Variants in DPP6 observed in about 807,000 individuals in gnomAD.
The protein encoded by DPP6 is A-type potassium channel modulatory protein DPP6.
DPP6 carries 69 observed loss-of-function variants against 122.6 expected under a neutral mutation model. The observed-to-expected ratio is 0.56, with a 90% CI of 0.46 to 0.69. The LOEUF (loss-of-function observed/expected upper bound fraction) is 0.69, where lower values mean the gene tolerates loss of function less well. DPP6 is among the 30% of genes least tolerant of loss of function. The pLI, the probability that DPP6 is intolerant of heterozygous loss-of-function variation, is 0.00. For missense variants in DPP6, 928 were observed against 1,116.9 expected (o/e 0.83, Z 2.41); for synonymous variants, 418 against 433.1 (o/e 0.97, Z 0.43).
intron 1 of DPP6, among the ~76,000 whole-genome samples, chr7:154,141,679 C>A (rs1795854370): frequency 6.6e-6 from 1 of 152,208 alleles, no homozygotes; most frequent in Non-Finnish European, 1.5e-5. Context: ...GCAGCTCATG[C>A]AGATGGTGGT....
the DPP6 span, among the ~76,000 whole-genome samples, chr7:153,874,109 T>C: frequency 1.3e-5 from 2 of 152,230 alleles, no homozygotes; most frequent in East Asian, 1.9e-4. Context: ...GAATCCACTC[T>C]GGAGGAAGAC....
Position 154,464,438 on chromosome 7 carries a change from C to T in DPP6, c.359-10501C>T, listed in dbSNP as rs151320065. 6.6e-5 allele frequency among the ~76,000 whole-genome samples: 10 copies of T among 152,308 alleles called. No homozygotes were observed. The East Asian group carries it at 1.7e-3, about 26-fold the overall frequency. On this transcript the variant is annotated intron_variant, in intron 2 of 25. Transcript: ENST00000377770. ...CATTAATCTGATTTTTGGTTCTTTA[C>T]GAGCTGCTTTTTCCTGTGAATAGTT...
intron 1 of DPP6, among the ~76,000 whole-genome samples, chr7:154,239,428 C>CA (rs778221476): frequency 1.3e-5 from 2 of 152,154 alleles, no homozygotes; most frequent in Non-Finnish European, 2.9e-5. Context: ...TCATCCTACT[C>CA]AACATGAAGA....
chr7:154,311,497 C>CAAAA (rs1423467022), intron 1 of DPP6, among the ~76,000 whole-genome samples: 1 of 116,600 alleles, frequency 8.6e-6, no homozygotes, highest in African/African-American at 3.7e-5. Context: ...ACCCTGTCTC[C>CAAAA]ACAAAAAAAA....
chr7:154,122,287 G>A (rs1026244475), intron 1 of DPP6, among the ~76,000 whole-genome samples: 2 of 152,174 alleles, frequency 1.3e-5, no homozygotes, highest in African/African-American at 2.4e-5. Flanking sequence ...GTGGTGTGGA[G>A]GGGCGGCAGT....
the DPP6 span, among the ~76,000 whole-genome samples, chr7:153,818,729 T>C: frequency 2.0e-5 from 3 of 151,660 alleles, no homozygotes; most frequent in Non-Finnish European, 4.4e-5. Context: ...AAAAAGCAAG[T>C]AGATTGAAGT....
chr7:154,774,368 G>C (rs1430347384), intron 10 of DPP6, among the ~76,000 whole-genome samples: 2 of 152,192 alleles, frequency 1.3e-5, no homozygotes, highest in Non-Finnish European at 2.9e-5. Context: ...TCCCTGCCAA[G>C]CCTCCTGGGG....
At chr7:154,261,794 C>T (rs1189019595) in intron 1 of DPP6, among the ~76,000 whole-genome samples, 1 of 152,148 alleles carries the variant, frequency 6.6e-6, no homozygotes, top group Non-Finnish European at 1.5e-5. Context: ...AAAAAATGCT[C>T]AACATCATTA....
At chr7:154,839,948 A>C (rs796266595) in intron 16 of DPP6, among the ~76,000 whole-genome samples, 7 of 152,296 alleles carry the variant, frequency 4.6e-5, no homozygotes, top group African/African-American at 1.7e-4. Context: ...AGTGGGGGAC[A>C]GCGCTGAGGA....
chr7:154,652,142 C>T lies in DPP6; in HGVS notation c.680+14269C>T, dbSNP rs567894956. On this transcript the variant is annotated intron_variant, in intron 6 of 25. Transcript: ENST00000377770. Reference sequence around the variant, plus strand: ...GCTCCTCCGCAGGCTCCCAACACATCAGCTGGTAATTATGCCCGGCACCAG... The same window carrying T: ...GCTCCTCCGCAGGCTCCCAACACATTAGCTGGTAATTATGCCCGGCACCAG... Among the ~76,000 whole-genome samples the T allele has an allele frequency of 1.6e-4, 25 of 152,266 alleles. No homozygotes were observed. In the East Asian group the frequency reaches 4.3e-3, roughly 26 times the overall value.
Position 154,794,071 on chromosome 7 carries a change from G to A in DPP6, c.1137-8G>A, listed in dbSNP as rs538984719. 33 of 1,612,530 alleles carry A rather than the reference G, an allele frequency of 2.0e-5. No individual in the cohort carries two copies. In the East Asian group the frequency reaches 5.4e-4, roughly 26 times the overall value. On this transcript the variant is annotated splice_polypyrimidine_tract_variant and splice_region_variant and intron_variant, in intron 10 of 25. Transcript: ENST00000377770. ...CCAAGCTGCTCATGCTGTGTTTGGC[G>A]TTTCCAGGGAGTACTACATCACCAT...
In DPP6 at chr7:154,272,187, A is replaced by G. The variant is rs147504542; in HGVS notation, c.244-174027A>G. On this transcript the variant is annotated intron_variant, in intron 1 of 25. Coordinates refer to ENST00000377770, the MANE Select transcript of DPP6 (RefSeq NM_130797.4). ...ACTGAGCTTCTACCTAAGCATCTGT[A>G]TCTTCTGCTAAAAGAGACCTGCCTG... Among the ~76,000 whole-genome samples the G allele has an allele frequency of 6.0e-3, 908 of 152,330 alleles. 15 individuals are homozygous for G. The highest frequency in any genetic ancestry group is 0.02 in the African/African-American group (826 of 41,564).
At chr7:154,769,796 C>T (rs1004652218) in intron 9 of DPP6, among the ~76,000 whole-genome samples, 1 of 152,172 alleles carries the variant, frequency 6.6e-6, no homozygotes, top group Non-Finnish European at 1.5e-5. Context: ...TGTTCATCAC[C>T]TGACTCAGCT....
At chr7:154,375,260 T>C (rs1813030386) in intron 1 of DPP6, among the ~76,000 whole-genome samples, 1 of 151,936 alleles carries the variant, frequency 6.6e-6, no homozygotes, top group African/African-American at 2.4e-5. Flanking sequence ...GAGCAAATTC[T>C]AGAACCCTTG....
At chr7:153,973,335 G>C (rs1209688724) in intron 1 of DPP6, among the ~76,000 whole-genome samples, 2 of 152,186 alleles carry the variant, frequency 1.3e-5, no homozygotes, top group Non-Finnish European at 2.9e-5. Flanking sequence ...GACACTCAGA[G>C]CTGATGGAAG....
At chr7:153,905,026 G>C (rs1411593569) in intron 1 of DPP6, among the ~76,000 whole-genome samples, 1 of 152,246 alleles carries the variant, frequency 6.6e-6, no homozygotes, top group African/African-American at 2.4e-5. Context: ...TGCCAATACA[G>C]TGAGGGGGAA....
intron 1 of DPP6, among the ~76,000 whole-genome samples, chr7:154,245,971 A>C (rs1801959078): frequency 6.6e-6 from 1 of 152,200 alleles, no homozygotes; most frequent in Non-Finnish European, 1.5e-5. Flanking sequence ...TAATTGCAGA[A>C]TATATATTTT....
chr7:153,818,022 AG>A, the DPP6 span, among the ~76,000 whole-genome samples: 1 of 152,030 alleles, frequency 6.6e-6, no homozygotes, highest in Non-Finnish European at 1.5e-5. Context: ...ATAGAACAAA[AG>A]TTTGTCCATC....
intron 20 of DPP6, 26 bp from the exon 21 acceptor site, chr7:154,880,862 C>G (rs755719224): frequency 6.2e-7 from 1 of 1,613,926 alleles, no homozygotes; most frequent in Non-Finnish European, 8.5e-7. Context: ...TGCACTGAAC[C>G]CTCTTTCCCC....
Sources: gnomAD v4.1 joint callset for allele counts (sites outside exome capture counted in the v4.1 genomes callset) on GRCh38, gnomAD v4.1.1 for gene constraint, MANE v1.5 for transcripts, NCBI Gene and HGNC (gene_info 2026-07-23, HGNC 2026-07-21) for gene names.